CSMD1: variants seen among roughly 807,000 people sequenced by gnomAD.
The protein encoded by CSMD1 is CUB and Sushi multiple domains 1, also known as CUB and sushi domain-containing protein 1.
A neutral mutation model predicts 417.5 loss-of-function variants in CSMD1; 213 were observed. That is an observed-to-expected ratio of 0.51 (90% CI 0.46 to 0.57). CSMD1 has a LOEUF of 0.57. CSMD1 is among the 20% of genes least tolerant of loss of function. The probability of loss-of-function intolerance (pLI) is 0.00; values close to 1 mark genes in which losing one functional copy is unlikely to be tolerated. For synonymous variants in CSMD1, 2,862 were observed against 1,736.8 expected, an observed-to-expected ratio of 1.65 and a Z score of -16.11; for missense variants, 6,923 against 4,529.7, an observed-to-expected ratio of 1.53 and a Z score of -15.17.
intron 7 of CSMD1, among the ~76,000 whole-genome samples, chr8:3,700,910 C>T (rs1055463181): frequency 6.6e-5 from 10 of 151,990 alleles, no homozygotes. Flanking sequence ...ATATTTCACC[C>T]AGATCCTTCT....
chr8:3,294,537 C>T (rs918478285), intron 25 of CSMD1, among the ~76,000 whole-genome samples: 42 of 147,160 alleles, frequency 2.9e-4, no homozygotes, highest in Middle Eastern at 3.6e-3. Flanking sequence ...GCCCCTCCCC[C>T]AGCCTCGCTG....
intron 26 of CSMD1, among the ~76,000 whole-genome samples, chr8:3,283,036 G>A (rs138608791): frequency 3.9e-5 from 6 of 152,132 alleles, no homozygotes; most frequent in East Asian, 3.9e-4. Flanking sequence ...TTCCTCCTTC[G>A]GAAACCTTTC....
chr8:4,818,198 T>C (rs149267235), intron 1 of CSMD1, among the ~76,000 whole-genome samples: 1 of 152,260 alleles, frequency 6.6e-6, no homozygotes, highest in African/African-American at 2.4e-5. Context: ...TCACCATGAG[T>C]TCTCCTGAGC....
chr8:3,040,724 A>G (rs1394322107), intron 50 of CSMD1, among the ~76,000 whole-genome samples: 1 of 151,928 alleles, frequency 6.6e-6, no homozygotes, highest in Non-Finnish European at 1.5e-5. Context: ...AATCGCTTGA[A>G]CCCGAGAGAC....
At chr8:4,203,675 T>G (rs950837373) in intron 3 of CSMD1, among the ~76,000 whole-genome samples, 6 of 152,022 alleles carry the variant, frequency 3.9e-5, no homozygotes, top group East Asian at 3.9e-4. Context: ...TCCTGGCCAT[T>G]TGTAAGTAGG....
intron 42 of CSMD1, among the ~76,000 whole-genome samples, chr8:3,115,572 T>C (rs943317393): frequency 6.6e-6 from 1 of 152,206 alleles, no homozygotes; most frequent in Non-Finnish European, 1.5e-5. Flanking sequence ...AGAAAAATAA[T>C]GTCTTCAATT....
At chr8:3,750,737 C>A (rs567429815) in intron 6 of CSMD1, among the ~76,000 whole-genome samples, 3 of 152,210 alleles carry the variant, frequency 2.0e-5, no homozygotes, top group South Asian at 4.2e-4. Flanking sequence ...CCAGGACAGC[C>A]CCGTGTGGAG....
At chr8:3,585,094 C>T (rs981276355) in intron 9 of CSMD1, among the ~76,000 whole-genome samples, 2 of 152,050 alleles carry the variant, frequency 1.3e-5, no homozygotes, top group African/African-American at 2.4e-5. Flanking sequence ...TGGGGCGGGT[C>T]CTGCAAAGCT....
intron 12 of CSMD1, among the ~76,000 whole-genome samples, chr8:3,452,730 T>G (rs540488091): frequency 6.6e-6 from 1 of 152,222 alleles, no homozygotes; most frequent in Non-Finnish European, 1.5e-5. Flanking sequence ...AGTATTTTAT[T>G]GAGGATTTTT....
chr8:3,341,171 C>G (rs1308762220), intron 23 of CSMD1, among the ~76,000 whole-genome samples: 1 of 152,104 alleles, frequency 6.6e-6, no homozygotes, highest in African/African-American at 2.4e-5. Flanking sequence ...GCCTCGCCCA[C>G]TGACGCAAGC....
intron 3 of CSMD1, among the ~76,000 whole-genome samples, chr8:4,222,539 A>T (rs1801102255): frequency 6.6e-6 from 1 of 152,220 alleles, no homozygotes; most frequent in Non-Finnish European, 1.5e-5. Context: ...AAAACATAAA[A>T]ACCACAGAAG....
chr8:4,189,477 T>A lies in CSMD1; in HGVS notation c.416-157378A>T, dbSNP rs141636831. 3.9e-3 allele frequency among the ~76,000 whole-genome samples: 592 copies of A among 152,302 alleles called. 4 individuals carry two copies. Among genetic ancestry groups the A allele is most frequent in the African/African-American group, 0.013 (551 of 41,554 alleles). On this transcript the variant is annotated intron_variant, in intron 3 of 69. Transcript: ENST00000635120. ...GTTTGCAGAAAAGAAAAACAAAATTTTTCCGCTAGACAGAGAGCTATTAAT... is the reference window on the plus strand; with the variant it reads ...GTTTGCAGAAAAGAAAAACAAAATTATTCCGCTAGACAGAGAGCTATTAAT...
At chr8:4,071,195 T>C (rs1799537806) in intron 3 of CSMD1, among the ~76,000 whole-genome samples, 3 of 152,086 alleles carry the variant, frequency 2.0e-5, no homozygotes, top group African/African-American at 7.2e-5. Flanking sequence ...ATTCTCCCTC[T>C]CTTTCTCCTT....
At chr8:3,304,795 G>A (rs1804696752) in intron 25 of CSMD1, among the ~76,000 whole-genome samples, 2 of 151,696 alleles carry the variant, frequency 1.3e-5, no homozygotes, top group African/African-American at 2.4e-5. Context: ...GTGAATCCAT[G>A]ACTTGGTTTG....
At chr8:4,419,309 C>A (rs922468629) in intron 3 of CSMD1, among the ~76,000 whole-genome samples, 1 of 152,126 alleles carries the variant, frequency 6.6e-6, no homozygotes, top group Non-Finnish European at 1.5e-5. Context: ...AAAGTATTAA[C>A]TAGTTCAATT....
chr8:4,118,199 T>C (rs1421911412), intron 3 of CSMD1, among the ~76,000 whole-genome samples: 1 of 152,092 alleles, frequency 6.6e-6, no homozygotes, highest in Non-Finnish European at 1.5e-5. Flanking sequence ...CAAATAGCTA[T>C]TAATATTAAA....
At chr8:3,059,844 G>A (rs1172775177) in intron 49 of CSMD1, among the ~76,000 whole-genome samples, 1 of 152,118 alleles carries the variant, frequency 6.6e-6, no homozygotes. Context: ...AGTGATTCAA[G>A]CAGTTGGATA....
intron 5 of CSMD1, among the ~76,000 whole-genome samples, chr8:3,764,476 C>A (rs1439635786): frequency 2.6e-5 from 4 of 152,154 alleles, no homozygotes; most frequent in Non-Finnish European, 5.9e-5. Context: ...AGTAGAGGCA[C>A]CCACAATCTT....
rs143620908 is a variant in CSMD1, at chr8:4,423,662, C to T, written c.303-3597G>A. Among the ~76,000 whole-genome samples the T allele has an allele frequency of 2.7e-3, 409 of 151,950 alleles. 2 individuals carry two copies. Among genetic ancestry groups the T allele is most frequent in the African/African-American group, 9.6e-3 (399 of 41,498 alleles). On this transcript the variant is annotated intron_variant, in intron 2 of 69. Transcript: ENST00000635120. ...TGATACACAGGTTTTACACAATTTC[C>T]ACCAAAATCCCAGCAAGAATTTTTG...
Sources: gnomAD v4.1 joint callset for allele counts (sites outside exome capture counted in the v4.1 genomes callset) on GRCh38, gnomAD v4.1.1 for gene constraint, MANE v1.5 for transcripts, NCBI Gene and HGNC (gene_info 2026-07-23, HGNC 2026-07-21) for gene names.